The following NREP variants were observed in gnomAD, a reference collection of about 807,000 sequenced individuals.
NREP encodes neuronal regeneration-related protein.
In NREP, 5 loss-of-function variants were observed where a neutral mutation model predicts 8.6. The observed-to-expected ratio is 0.58, with a 90% CI of 0.30 to 1.22. NREP has a LOEUF of 1.22. NREP is among the 50% of genes most tolerant of loss of function. The pLI is 0.07. For missense variants in NREP, 86 were observed against 82.5 expected (o/e 1.04, Z -0.17); for synonymous variants, 27 against 28.0 (o/e 0.96, Z 0.11).
chr5:111,797,179 T>G (rs764586360), intron 2 of NREP, among the ~76,000 whole-genome samples: 5 of 152,152 alleles, frequency 3.3e-5, no homozygotes, highest in Admixed American at 6.5e-5. Flanking sequence ...AAAACTGAGA[T>G]TCATCAATTT....
chr5:111,852,665 G>A (rs1394684761), intron 2 of NREP, among the ~76,000 whole-genome samples: 2 of 152,086 alleles, frequency 1.3e-5, no homozygotes, highest in Non-Finnish European at 2.9e-5. Flanking sequence ...TTTTTGTGGG[G>A]GAGGGGGTGT....
At chr5:111,806,578 CA>C (rs1236360602) in intron 2 of NREP, among the ~76,000 whole-genome samples, 2 of 152,160 alleles carry the variant, frequency 1.3e-5, no homozygotes, top group African/African-American at 4.8e-5. Context: ...TTACAGCCAT[CA>C]GCCTTGGAAA....
At chr5:111,839,548 G>A (rs975100584) in intron 2 of NREP, among the ~76,000 whole-genome samples, 2 of 152,004 alleles carry the variant, frequency 1.3e-5, no homozygotes, top group African/African-American at 2.4e-5. Context: ...CTAAAATGAC[G>A]TATTTTTCTT....
At chr5:111,969,802 T>C (rs541654630) in intron 2 of NREP, among the ~76,000 whole-genome samples, 1 of 152,272 alleles carries the variant, frequency 6.6e-6, no homozygotes, top group East Asian at 1.9e-4. Flanking sequence ...ATTTTAAACC[T>C]TGAGATTCTA....
intron 2 of NREP, among the ~76,000 whole-genome samples, chr5:111,829,127 A>T (rs1414540155): frequency 6.6e-6 from 1 of 152,164 alleles, no homozygotes; most frequent in East Asian, 1.9e-4. Flanking sequence ...ATATAATTCT[A>T]TGTGGCTAGA....
At chr5:111,974,094 C>A (rs1255873579) in intron 2 of NREP, among the ~76,000 whole-genome samples, 3 of 152,178 alleles carry the variant, frequency 2.0e-5, no homozygotes, top group Non-Finnish European at 4.4e-5. Flanking sequence ...TGAGTTCTCT[C>A]ATTTTGCCTT....
rs573903470 is a variant in NREP, at chr5:111,974,139, G to T, written c.135+1135C>A. ...ACTGTGTTTTCCCTTTCTACAGTGA[G>T]TGTGTTCTGTATAGTGTCCGTGTTC... On this transcript the variant is annotated intron_variant, in intron 2 of 3. Transcript: ENST00000395634. Among the ~76,000 whole-genome samples, 5 of 152,288 alleles carry T rather than the reference G, an allele frequency of 3.3e-5. No individual in the cohort carries two copies. The South Asian group carries it at 1.0e-3, about 32-fold the overall frequency.
At chr5:111,831,634 T>C (rs1180825934) in intron 2 of NREP, among the ~76,000 whole-genome samples, 2 of 152,218 alleles carry the variant, frequency 1.3e-5, no homozygotes, top group African/African-American at 4.8e-5. Context: ...TTGTTCACTG[T>C]AGGTGGCTGT....
At chr5:111,882,424 G>C (rs982736251) in intron 2 of NREP, among the ~76,000 whole-genome samples, 2 of 152,174 alleles carry the variant, frequency 1.3e-5, no homozygotes, top group Non-Finnish European at 2.9e-5. Flanking sequence ...TTATCCAGGA[G>C]AACTTCCCCA....
chr5:111,778,574 G>A (rs1751416744), intron 2 of NREP, among the ~76,000 whole-genome samples: 1 of 152,108 alleles, frequency 6.6e-6, no homozygotes, highest in Non-Finnish European at 1.5e-5. Context: ...ATTTAATTGT[G>A]ATGTAGGCTT....
chr5:111,735,824 C>A (rs1414440247), intron 2 of NREP, among the ~76,000 whole-genome samples: 1 of 152,154 alleles, frequency 6.6e-6, no homozygotes, highest in African/African-American at 2.4e-5. Context: ...TCGGGGAGGT[C>A]TAACTTTCAA....
intron 2 of NREP, among the ~76,000 whole-genome samples, chr5:111,821,481 T>A (rs1752513261): frequency 1.3e-5 from 2 of 152,198 alleles, no homozygotes; most frequent in African/African-American, 4.8e-5. Context: ...CTAGTTAAAG[T>A]CATTAATGTA....
At chr5:111,939,880 C>T (rs556592075) in intron 2 of NREP, among the ~76,000 whole-genome samples, 35 of 152,100 alleles carry the variant, frequency 2.3e-4, no homozygotes, top group African/African-American at 4.8e-4. Context: ...ATATTAAATA[C>T]GTTATCTTTA....
chr5:111,819,420 C>T (rs1312629652), intron 2 of NREP, among the ~76,000 whole-genome samples: 1 of 152,152 alleles, frequency 6.6e-6, no homozygotes, highest in East Asian at 1.9e-4. Context: ...CTCCCTTGTC[C>T]AGGTGTGTTC....
intron 2 of NREP, among the ~76,000 whole-genome samples, chr5:111,832,079 CAA>C (rs1752782436): frequency 6.6e-6 from 1 of 152,080 alleles, no homozygotes; most frequent in Admixed American, 6.5e-5. Flanking sequence ...TGATTTATAA[CAA>C]AGTGAAGTTA....
At chr5:111,811,325 C>G (rs1010223677) in intron 2 of NREP, among the ~76,000 whole-genome samples, 3 of 152,104 alleles carry the variant, frequency 2.0e-5, no homozygotes, top group African/African-American at 7.2e-5. Flanking sequence ...ACATGTGTAT[C>G]AGACATATAC....
chr5:111,973,642 G>C (rs916063521), intron 2 of NREP, among the ~76,000 whole-genome samples: 1 of 152,116 alleles, frequency 6.6e-6, no homozygotes, highest in Non-Finnish European at 1.5e-5. Context: ...TGCTGTTTTT[G>C]CTAACTAGAA....
At chr5:111,754,359 C>A (rs1433805260) in intron 2 of NREP, among the ~76,000 whole-genome samples, 1 of 152,088 alleles carries the variant, frequency 6.6e-6, no homozygotes, top group Non-Finnish European at 1.5e-5. Context: ...GGTCCATAGT[C>A]ATATTTATGT....
chr5:111,941,159 A>G (rs919733751), intron 2 of NREP, among the ~76,000 whole-genome samples: 1 of 152,136 alleles, frequency 6.6e-6, no homozygotes, highest in Non-Finnish European at 1.5e-5. Context: ...GGAATTGTAA[A>G]TAGGCATTCA....
Sources: allele counts gnomAD v4.1 joint callset (sites outside exome capture counted in the v4.1 genomes callset), GRCh38; gene constraint gnomAD v4.1.1; transcripts MANE v1.5; gene names NCBI Gene and HGNC (gene_info 2026-07-23, HGNC 2026-07-21).